VWA3A: variants seen among roughly 807,000 people sequenced by gnomAD.
The protein encoded by VWA3A is von Willebrand factor A domain-containing protein 3A.
A neutral mutation model predicts 160.4 loss-of-function variants in VWA3A; 134 were observed. The observed-to-expected ratio is 0.84, with a 90% CI of 0.73 to 0.96. VWA3A has a LOEUF of 0.96. Among genes scored for constraint, VWA3A ranks in the 40% least tolerant of loss-of-function variants. The pLI is 0.00. For synonymous variants in VWA3A, 476 were observed against 543.4 expected (o/e 0.88, Z 1.72); for missense variants, 1,310 against 1,447.9 (o/e 0.90, Z 1.55).
At chr16:22,097,724 G>A (rs772325614) in intron 3 of VWA3A, 29 bp downstream of exon 3, 39 of 1,550,276 alleles carry the variant, frequency 2.5e-5, no homozygotes, top group Admixed American at 2.2e-4. Context: ...TAACTGGGTC[G>A]TGATACTACA....
chr16:22,136,928 G>T (rs1363803597), intron 21 of VWA3A, among the ~76,000 whole-genome samples: 1 of 150,748 alleles, frequency 6.6e-6, no homozygotes, highest in African/African-American at 2.5e-5. Context: ...CGCAAAATTA[G>T]CTGGGTGTGG....
At chr16:22,154,060 G>A (rs1598116108) in intron 31 of VWA3A, among the ~76,000 whole-genome samples, 1 of 152,058 alleles carries the variant, frequency 6.6e-6, no homozygotes, top group East Asian at 1.9e-4. Flanking sequence ...TGAAGCCTGG[G>A]TAGCCTTACA....
rs186822452 is a variant in VWA3A at position 22,125,341 on chromosome 16, G to A, written c.1533-837G>A. Among the ~76,000 whole-genome samples the A allele has an allele frequency of 2.9e-3, 443 of 152,000 alleles. 3 individuals are homozygous for A. Among genetic ancestry groups the A allele is most frequent in the African/African-American group, 0.01 (420 of 41,488 alleles). On this transcript the variant is annotated intron_variant, in intron 16 of 33. Coordinates refer to ENST00000389398, the MANE Select transcript of VWA3A (RefSeq NM_173615.5). ...GTTGAGGCTTCAGTGAGCCACGATCGCACCATTGCACTCCAGCCTGGGCAA... is the reference window on the plus strand; with the variant it reads ...GTTGAGGCTTCAGTGAGCCACGATCACACCATTGCACTCCAGCCTGGGCAA...
chr16:22,102,754 C>T (rs1004094440), intron 5 of VWA3A, among the ~76,000 whole-genome samples: 9 of 152,164 alleles, frequency 5.9e-5, no homozygotes, highest in Admixed American at 1.3e-4. Flanking sequence ...TCTGAGAAGA[C>T]ACAGATTTGA....
intron 16 of VWA3A, among the ~76,000 whole-genome samples, chr16:22,124,186 C>A (rs1419875345): frequency 2.4e-3 from 114 of 46,582 alleles, no homozygotes; most frequent in East Asian, 2.9e-3. Flanking sequence ...GTGTCTACCA[C>A]AAAAAAAAAA....
chr16:22,097,803 GA>G (rs1449952303), intron 3 of VWA3A, 108 bp downstream of exon 3: 2 of 1,399,412 alleles, frequency 1.4e-6, no homozygotes, highest in East Asian at 2.5e-5. Flanking sequence ...TTCTAGGACT[GA>G]AAAAGGAGTA....
At chr16:22,153,470 T>C (rs2046384597) in intron 31 of VWA3A, among the ~76,000 whole-genome samples, 1 of 152,200 alleles carries the variant, frequency 6.6e-6, no homozygotes, top group African/African-American at 2.4e-5. Flanking sequence ...GTTCAATTCA[T>C]TGAAATACAG....
intron 12 of VWA3A, among the ~76,000 whole-genome samples, chr16:22,119,920 A>T (rs963191533): frequency 6.6e-6 from 1 of 151,832 alleles, no homozygotes; most frequent in Non-Finnish European, 1.5e-5. Context: ...TGGGAGGCTG[A>T]TTCAGGAGAA....
At chr16:22,138,923 C>G (rs2046094239) in intron 22 of VWA3A, among the ~76,000 whole-genome samples, 1 of 152,108 alleles carries the variant, frequency 6.6e-6, no homozygotes, top group Non-Finnish European at 1.5e-5. Flanking sequence ...TGAGGGTGGG[C>G]TGAGCCTGCT....
At chr16:22,116,897 C>T in intron 10 of VWA3A, 30 bp downstream of exon 10, 2 of 1,600,542 alleles carry the variant, frequency 1.2e-6, no homozygotes, top group Non-Finnish European at 1.7e-6. Flanking sequence ...TGAGGTGCCC[C>T]TTGGCTTTGG....
At chr16:22,119,960 G>C (rs1290034334) in intron 12 of VWA3A, among the ~76,000 whole-genome samples, 2 of 151,444 alleles carry the variant, frequency 1.3e-5, no homozygotes, top group Admixed American at 6.6e-5. Flanking sequence ...AGAGGTTGCA[G>C]TGAGCCTAGA....
At chr16:22,120,464 T>C (rs1223792786) in intron 12 of VWA3A, among the ~76,000 whole-genome samples, 1 of 152,168 alleles carries the variant, frequency 6.6e-6, no homozygotes, top group Non-Finnish European at 1.5e-5. Context: ...CTTAAAATAT[T>C]AATAATAATA....
chr16:22,113,644 G>T (rs1257352060), intron 8 of VWA3A, among the ~76,000 whole-genome samples: 1 of 151,796 alleles, frequency 6.6e-6, no homozygotes, highest in Non-Finnish European at 1.5e-5. Flanking sequence ...TGTCACCCAG[G>T]CCGGAGTTCA....
chr16:22,094,703 C>T (rs931669376), intron 1 of VWA3A, among the ~76,000 whole-genome samples: 2 of 152,124 alleles, frequency 1.3e-5, no homozygotes, highest in African/African-American at 4.8e-5. Flanking sequence ...GGTGGCTCAA[C>T]ACCTGTAATC....
Position 22,114,743 on chromosome 16 carries a change from C to A in VWA3A, c.690-604C>A, listed in dbSNP as rs551871777. Among the ~76,000 whole-genome samples, 3 of 151,966 alleles carry A rather than the reference C, an allele frequency of 2.0e-5. No homozygotes were observed. The East Asian group carries it at 5.8e-4, about 29-fold the overall frequency. On this transcript the variant is annotated intron_variant, in intron 8 of 33. Coordinates refer to ENST00000389398, the MANE Select transcript of VWA3A (RefSeq NM_173615.5). ...TCTGGGAGGCTAGGGAGGGGGACCT[C>A]TTGAGGCCAAGAGTTCAAGACCAAC...
At chr16:22,152,746 G>A (rs779371332) in intron 31 of VWA3A, 112 bp downstream of exon 31, 35 of 1,468,378 alleles carry the variant, frequency 2.4e-5, no homozygotes, top group Non-Finnish European at 3.0e-5. Flanking sequence ...CTCCCACCTC[G>A]GCCTCCCAAA....
intron 1 of VWA3A, among the ~76,000 whole-genome samples, chr16:22,096,497 C>G (rs144163563): frequency 1.3e-5 from 2 of 152,144 alleles, no homozygotes; most frequent in African/African-American, 4.8e-5. Context: ...TGACTCACAT[C>G]TCTAATCCCA....
intron 12 of VWA3A, among the ~76,000 whole-genome samples, chr16:22,119,950 A>G (rs2045705500): frequency 6.6e-6 from 1 of 151,898 alleles, no homozygotes; most frequent in Non-Finnish European, 1.5e-5. Context: ...CCCAGGAGGC[A>G]GAGGTTGCAG....
intron 8 of VWA3A, among the ~76,000 whole-genome samples, 160 bp downstream of exon 8, chr16:22,111,154 T>C (rs1337552004): frequency 1.3e-5 from 2 of 152,128 alleles, no homozygotes; most frequent in Non-Finnish European, 2.9e-5. Flanking sequence ...TTTGGAAAGA[T>C]GTCTACCCTC....
Sources: allele counts gnomAD v4.1 joint callset (sites outside exome capture counted in the v4.1 genomes callset), GRCh38; gene constraint gnomAD v4.1.1; transcripts MANE v1.5; gene names NCBI Gene and HGNC (gene_info 2026-07-23, HGNC 2026-07-21).